The following SLC9B1 variants were observed in gnomAD, a reference collection of about 807,000 sequenced individuals.
The protein encoded by SLC9B1 is solute carrier family 9 member B1, also known as sodium/hydrogen exchanger 9B1.
SLC9B1 carries 32 observed loss-of-function variants against 51.7 expected under a neutral mutation model. The observed-to-expected ratio is 0.62, with a 90% CI of 0.47 to 0.83. The LOEUF (loss-of-function observed/expected upper bound fraction) is 0.83, where lower values mean the gene tolerates loss of function less well. Ranked by LOEUF, SLC9B1 falls within the 40% of genes least tolerant of loss-of-function variation. The pLI is 0.00. For synonymous variants in SLC9B1, 145 were observed against 212.7 expected (o/e 0.68, Z 2.77); for missense variants, 406 against 613.2 (o/e 0.66, Z 3.57).
At chr4:102,964,266 AC>A (rs1467588238) in intron 3 of SLC9B1, among the ~76,000 whole-genome samples, 1 of 152,024 alleles carries the variant, frequency 6.6e-6, no homozygotes. Flanking sequence ...GAAAAAAAAA[AC>A]AAATATCAAT....
intron 1 of SLC9B1, among the ~76,000 whole-genome samples, chr4:102,992,262 A>G (rs1739979508): frequency 6.6e-6 from 1 of 152,176 alleles, no homozygotes; most frequent in Non-Finnish European, 1.5e-5. Context: ...GAATAAAATA[A>G]TAATTACTTA....
intron 1 of SLC9B1, among the ~76,000 whole-genome samples, chr4:102,999,838 C>T (rs1740427634): frequency 6.6e-6 from 1 of 152,150 alleles, no homozygotes; most frequent in South Asian, 2.1e-4. Flanking sequence ...TCTGTTTTCA[C>T]ACTTGTTCTA....
chr4:102,951,161 T>C (rs9762078), intron 3 of SLC9B1, among the ~76,000 whole-genome samples: 11 of 152,150 alleles, frequency 7.2e-5, no homozygotes, highest in Non-Finnish European at 1.5e-4. Flanking sequence ...TCATCCAACT[T>C]ATGTGTAGGG....
At chr4:103,006,299 C>G (rs1275503102) in intron 1 of SLC9B1, among the ~76,000 whole-genome samples, 1 of 151,788 alleles carries the variant, frequency 6.6e-6, no homozygotes, top group African/African-American at 2.4e-5. Flanking sequence ...CCAATAAACA[C>G]AATTGGAAAT....
Position 102,885,307 on chromosome 4 carries a change from A to G in SLC9B1, c.1354T>C (p.Leu452=), listed in dbSNP as rs375816656. The G allele has an allele frequency of 3.1e-6, 5 of 1,614,012 alleles. No homozygotes were observed. The highest frequency in any genetic ancestry group is 1.6e-4 in the Middle Eastern group (1 of 6,082). ...GTCCATTCCTCCCGAAGAAGAAACAACAGAAGGATAGCTTGATTAATCTTA... is the reference window on the plus strand; with the variant it reads ...GTCCATTCCTCCCGAAGAAGAAACAGCAGAAGGATAGCTTGATTAATCTTA... Residue 452 remains leucine, a synonymous_variant, in exon 12 of 12, where the codon TTG becomes CTG. Coordinates refer to the SLC9B1 transcript ENST00000394789.
intron 8 of SLC9B1, 88 bp downstream of exon 8, chr4:102,911,343 G>C: frequency 1.2e-6 from 1 of 838,578 alleles, no homozygotes; most frequent in Non-Finnish European, 1.8e-6. Flanking sequence ...ATAGAATTAA[G>C]TATTAAATTT....
chr4:102,918,237 A>G (rs1005694237), intron 7 of SLC9B1, among the ~76,000 whole-genome samples: 1 of 152,082 alleles, frequency 6.6e-6, no homozygotes, highest in African/African-American at 2.4e-5. Flanking sequence ...AACAGATATT[A>G]CAGAAATAAA....
At chr4:102,892,305 T>C (rs1360695663) in intron 11 of SLC9B1, 1 of 152,202 alleles carries the variant, frequency 6.6e-6, no homozygotes, top group Admixed American at 6.6e-5. Context: ...TGATCCTCCC[T>C]GCCTCAGCAC....
chr4:102,946,849 A>G, intron 4 of SLC9B1, 60 bp from the exon 5 acceptor site: 1 of 1,461,134 alleles, frequency 6.8e-7, no homozygotes, highest in Non-Finnish European at 9.2e-7. Context: ...GAAAACGGAA[A>G]TGTTTACTTT....
At chr4:102,890,775 G>C (rs1734202874) in intron 11 of SLC9B1, 1 of 140,080 alleles carries the variant, frequency 7.1e-6, no homozygotes, top group African/African-American at 2.8e-5. Context: ...AGGAGGCCAA[G>C]GTTGCAGTGA....
At chr4:102,943,506 T>TATATACACACACACACAC (rs1553982064) in intron 6 of SLC9B1, among the ~76,000 whole-genome samples, 3 of 145,480 alleles carry the variant, frequency 2.1e-5, no homozygotes, top group African/African-American at 7.7e-5. Context: ...TGTGTATGTA[T>TATATACACACACACACAC]ACACACACAC....
chr4:102,896,175 G>A (rs1734524248), downstream of SLC9B1, among the ~76,000 whole-genome samples: 1 of 152,192 alleles, frequency 6.6e-6, no homozygotes, highest in East Asian at 1.9e-4. Flanking sequence ...ATATCACTGA[G>A]ACATGAAAGC....
At chr4:102,963,158 T>C (rs770063270) in intron 3 of SLC9B1, 2 of 360,602 alleles carry the variant, frequency 5.5e-6, no homozygotes, top group Non-Finnish European at 1.1e-5. Flanking sequence ...AAACCTAAGT[T>C]TGCAGAGGTT....
At chr4:102,960,418 TAA>T (rs1441463857) in intron 3 of SLC9B1, among the ~76,000 whole-genome samples, 1 of 151,980 alleles carries the variant, frequency 6.6e-6, no homozygotes, top group African/African-American at 2.4e-5. Context: ...TTAATATAAA[TAA>T]CATAGTATTG....
chr4:103,017,377 A>G (rs1468964009), intron 1 of SLC9B1, among the ~76,000 whole-genome samples: 1 of 152,110 alleles, frequency 6.6e-6, no homozygotes, highest in Admixed American at 6.5e-5. Flanking sequence ...CCTCCAACTC[A>G]CTACTGGTTT....
At chr4:102,961,027 T>C (rs1738086710) in intron 3 of SLC9B1, among the ~76,000 whole-genome samples, 1 of 152,130 alleles carries the variant, frequency 6.6e-6, no homozygotes, top group Admixed American at 6.5e-5. Flanking sequence ...CCACCGTGAC[T>C]GGCCTAAGCT....
intron 11 of SLC9B1, chr4:102,885,506 A>C (rs929330494): frequency 3.6e-6 from 4 of 1,119,792 alleles, no homozygotes; most frequent in Non-Finnish European, 5.4e-6. Context: ...CCCAGTTTTG[A>C]AGTTCTTTAA....
chr4:102,968,953 A>T (rs1738588303), intron 3 of SLC9B1, among the ~76,000 whole-genome samples: 2 of 152,100 alleles, frequency 1.3e-5, no homozygotes, highest in South Asian at 4.2e-4. Flanking sequence ...TCCGAGATGG[A>T]ATTGCAAGGT....
intron 3 of SLC9B1, among the ~76,000 whole-genome samples, chr4:102,972,081 A>T (rs1412104234): frequency 6.6e-6 from 1 of 152,082 alleles, no homozygotes; most frequent in Non-Finnish European, 1.5e-5. Flanking sequence ...AGCTGGTACC[A>T]TTCCTTCTGA....
Sources: allele counts gnomAD v4.1 joint callset (sites outside exome capture counted in the v4.1 genomes callset), GRCh38; gene constraint gnomAD v4.1.1; transcripts MANE v1.5; gene names NCBI Gene and HGNC (gene_info 2026-07-23, HGNC 2026-07-21).